EXOC3: variants seen among roughly 807,000 people sequenced by gnomAD.
EXOC3 encodes the protein SEC6-like 1.
EXOC3 carries 21 observed loss-of-function variants against 73.7 expected under a neutral mutation model. The ratio of observed to expected loss-of-function variants is 0.29; its 90% CI spans 0.20 to 0.41. The LOEUF is 0.41. Among genes scored for constraint, EXOC3 ranks in the 10% least tolerant of loss-of-function variants. The pLI is 1.00. For synonymous variants in EXOC3, 410 were observed against 389.1 expected (o/e 1.05, Z -0.63); for missense variants, 842 against 985.1 (o/e 0.85, Z 1.95).
At chr5:464,951 G>A (rs985486589) in intron 10 of EXOC3, 160 bp from the exon 11 acceptor site, 1 of 749,894 alleles carries the variant, frequency 1.3e-6, no homozygotes, top group Non-Finnish European at 2.1e-6. Context: ...CTGAGCCCCC[G>A]CTCCTCCTCT....
At chr5:460,815 G>A (rs893050079) in intron 7 of EXOC3, among the ~76,000 whole-genome samples, 1 of 152,230 alleles carries the variant, frequency 6.6e-6, no homozygotes, top group Non-Finnish European at 1.5e-5. Context: ...CTTCTATAAA[G>A]AGACCGTTCC....
At chr5:465,363 G>A in intron 11 of EXOC3, 91 bp downstream of exon 11, 1 of 1,384,116 alleles carries the variant, frequency 7.2e-7, no homozygotes, top group South Asian at 1.3e-5. Flanking sequence ...GTAGATGGGA[G>A]TGTGTCGTGT....
chr5:463,625 CTGGAGTTTTAATTTGTACACTTCTAT>C (rs1560940604), intron 9 of EXOC3, among the ~76,000 whole-genome samples: 19 of 152,288 alleles, frequency 1.2e-4, no homozygotes, highest in Non-Finnish European at 7.4e-5. Flanking sequence ...GTAACTTTTA[CTGGAGTTTTAATTTGTACACTTCTAT>C]TGGAGTTTTA....
intron 1 of EXOC3, among the ~76,000 whole-genome samples, chr5:443,980 G>A (rs1737429361): frequency 6.7e-6 from 1 of 149,418 alleles, no homozygotes; most frequent in African/African-American, 2.5e-5. Flanking sequence ...TGTCCCCTCC[G>A]TGAGGTGCCT....
chr5:459,384 C>T lies in EXOC3; in HGVS notation c.1316C>T (p.Ala439Val). ...ATGTTTGAACAGAATCTTCAAGTTG[C>T]TGCTCAGATAAGTGAAGATTTGAAA... is the stretch of plus-strand genomic sequence containing the variant. ...FQMFEQNLQVAAQISEDLKTK... is the reference protein window; with the variant it reads ...FQMFEQNLQVVAQISEDLKTK... The change falls in exon 7 of 13, where the codon GCT becomes GTT. Residue 439 changes from alanine (A) to valine (V), a missense_variant. Transcript: ENST00000512944. 2 of 1,565,058 alleles carry T rather than the reference C, an allele frequency of 1.3e-6. No individual in the cohort carries two copies. The highest frequency in any genetic ancestry group is 1.7e-6 in the Non-Finnish European group (2 of 1,150,282).
Position 447,670 on chromosome 5 carries a change from G to T in EXOC3, c.282G>T (p.Glu94Asp). The T allele has an allele frequency of 6.3e-7, 1 of 1,589,994 alleles. No individual in the cohort carries two copies. The highest frequency in any genetic ancestry group is 2.3e-5 in the East Asian group (1 of 43,446). The change falls in exon 3 of 13, where the codon GAG becomes GAT. Residue 94 changes from glutamate to aspartate, a missense_variant. Coordinates refer to ENST00000512944, the MANE Select transcript of EXOC3 (RefSeq NM_007277.5). ...KDWRQSINTI[E>D]SLKDVKDAVV... ...GGAGGCAGAGCATCAACACCATTGAGAGCCTCAAGGACGTCAAAGACGCCG... is the reference window on the plus strand; with the variant it reads ...GGAGGCAGAGCATCAACACCATTGATAGCCTCAAGGACGTCAAAGACGCCG...
At position 453,764 on chromosome 5, in the gene EXOC3, G is replaced by C; in HGVS notation, c.759G>C (p.Glu253Asp). The C allele has an allele frequency of 6.2e-7, 1 of 1,613,982 alleles. No individual in the cohort carries two copies. The highest frequency in any genetic ancestry group is 8.5e-7 in the Non-Finnish European group (1 of 1,179,902). ...AGGAGAAAATGTTCACCATCTTGGA[G>C]AGGACTGTGACCACCAGAATTGAGG... The part of the protein sequence containing the change: ...NWKEKMFTIL[E>D]RTVTTRIEGT... Residue 253 changes from glutamate (E) to aspartate (D), a missense_variant, in exon 4 of 13, where the codon GAG (glutamate) becomes GAC (aspartate). Physicochemically the swap from Glu to Asp is conservative, Grantham distance 45 (BLOSUM62 2). Transcript: ENST00000512944.
At chr5:461,881 AG>A (rs1472940426) in intron 7 of EXOC3, 78 bp from the exon 8 acceptor site, 1 of 937,224 alleles carries the variant, frequency 1.1e-6, no homozygotes, top group Non-Finnish European at 1.7e-6. Context: ...ATTTCAGGCC[AG>A]GCGTGACGTC....
Position 465,249 on chromosome 5 carries a change from T to A in EXOC3, c.1915T>A (p.Phe639Ile). The change falls in exon 11 of 13, where the codon TTC becomes ATC. Residue 639 changes from phenylalanine to isoleucine, a missense_variant. Coordinates refer to ENST00000512944, the MANE Select transcript of EXOC3 (RefSeq NM_007277.5). ...GGTTAGGGAGGCAGAGCAGCTGCGC[T>A]TCCTGTTCCGGAAGCTGGCGTCCGT... is the stretch of plus-strand genomic sequence containing the variant. ...KMVREAEQLR[F>I]LFRKLASGFG... 2 of 1,589,552 alleles carry A rather than the reference T, an allele frequency of 1.3e-6. No homozygotes were observed. Among genetic ancestry groups the A allele is most frequent in the Non-Finnish European group, 1.7e-6 (2 of 1,168,534 alleles).
chr5:445,863 A>G (rs1447085726), intron 1 of EXOC3, among the ~76,000 whole-genome samples: 1 of 152,196 alleles, frequency 6.6e-6, no homozygotes, highest in African/African-American at 2.4e-5. Flanking sequence ...TGAGGCTGAC[A>G]TCTACATGCT....
chr5:457,945 A>G lies in EXOC3; in HGVS notation c.1210A>G (p.Lys404Glu). The G allele has an allele frequency of 6.2e-7, 1 of 1,612,014 alleles. No individual in the cohort carries two copies. The highest frequency in any genetic ancestry group is 1.1e-5 in the South Asian group (1 of 90,650). The stretch of plus-strand genomic sequence containing the variant: ...GCGGAAAGCGCTGGAGACAGACAAG[A>G]AAGACTGGGTCAAAGAGACAGAGCC... ...WLRKALETDKKDWVKETEPEA... is the reference protein window; with the variant it reads ...WLRKALETDKEDWVKETEPEA... The change falls in exon 6 of 13, where the codon AAA (lysine) becomes GAA (glutamate). Residue 404 changes from lysine (K) to glutamate (E), a missense_variant. Physicochemically the swap from Lys to Glu is moderately conservative, Grantham distance 56. Transcript: ENST00000512944.
At chr5:449,041 T>G (rs1003494886) in intron 3 of EXOC3, among the ~76,000 whole-genome samples, 1 of 152,252 alleles carries the variant, frequency 6.6e-6, no homozygotes, top group African/African-American at 2.4e-5. Context: ...ATTGGCTGGC[T>G]ACATTTCCTT....
At chr5:465,042 G>C in intron 10 of EXOC3, 69 bp from the exon 11 acceptor site, 1 of 1,453,192 alleles carries the variant, frequency 6.9e-7, no homozygotes, top group Non-Finnish European at 9.1e-7. Flanking sequence ...CCCCAGCCTG[G>C]GTTTCAATGA....
intron 3 of EXOC3, among the ~76,000 whole-genome samples, chr5:447,985 C>A (rs1737554574): frequency 6.6e-6 from 1 of 152,228 alleles, no homozygotes; most frequent in African/African-American, 2.4e-5. Context: ...CAGAAGCGGG[C>A]TGCCCAGCAA....
chr5:454,359 C>T (rs968483267), intron 4 of EXOC3, among the ~76,000 whole-genome samples: 13 of 152,224 alleles, frequency 8.5e-5, no homozygotes, highest in African/African-American at 3.1e-4. Flanking sequence ...GACTTGCTTC[C>T]TTGCAGTGAC....
rs1482614130 is a variant in EXOC3, at chr5:467,176, A to C, written c.*278A>C. On this transcript the variant is annotated 3_prime_UTR_variant, in exon 13 of 13. Coordinates refer to ENST00000512944, the MANE Select transcript of EXOC3 (RefSeq NM_007277.5). The stretch of plus-strand genomic sequence containing the variant: ...TGCAGTGGTTGAAAGTGTGTGGGGC[A>C]CAGAGGACGTGCACCTCCCTGCCCT... The C allele has an allele frequency of 1.1e-5, 5 of 444,566 alleles. No homozygotes were observed. The highest frequency in any genetic ancestry group is 2.0e-5 in the Non-Finnish European group (5 of 246,846). 27.5% of individuals were successfully genotyped at this position (444,566 alleles called of 1,614,324 possible).
In EXOC3 at chr5:464,286, T is replaced by A; in HGVS notation, c.1654-4T>A. 1.2e-6 allele frequency: 2 copies of A among 1,612,968 alleles called. No homozygotes were observed. The highest frequency in any genetic ancestry group is 1.7e-6 in the Non-Finnish European group (2 of 1,179,140). On this transcript the variant is annotated splice_polypyrimidine_tract_variant and splice_region_variant and intron_variant, in intron 9 of 12. Coordinates refer to ENST00000512944, the MANE Select transcript of EXOC3 (RefSeq NM_007277.5). ...GATTTCTATGATCTGTTTCTGCTTT[T>A]CAGCAACATCTGAATGAATTGATGA...
chr5:445,335 G>T (rs535091681), intron 1 of EXOC3, among the ~76,000 whole-genome samples: 357 of 148,162 alleles, frequency 2.4e-3, no homozygotes, highest in African/African-American at 8.6e-3. Context: ...AGACAATAAT[G>T]ACTTTTTCTT....
intron 3 of EXOC3, among the ~76,000 whole-genome samples, chr5:448,987 G>A (rs985156308): frequency 6.6e-6 from 1 of 152,246 alleles, no homozygotes; most frequent in African/African-American, 2.4e-5. Flanking sequence ...TCTCCTTGGT[G>A]ATGCTCAGCT....
Sources: allele counts gnomAD v4.1 joint callset (sites outside exome capture counted in the v4.1 genomes callset), GRCh38; gene constraint gnomAD v4.1.1; transcripts MANE v1.5; gene names NCBI Gene and HGNC (gene_info 2026-07-23, HGNC 2026-07-21).